ALK: variants seen among roughly 807,000 people sequenced by gnomAD.
ALK encodes the protein ALK receptor tyrosine kinase, also known as ALK tyrosine kinase receptor.
A neutral mutation model predicts 163.1 loss-of-function variants in ALK; 74 were observed. The observed-to-expected ratio is 0.45, with a 90% confidence interval of 0.38 to 0.55. The LOEUF is 0.55. Among genes scored for constraint, ALK ranks in the 20% least tolerant of loss-of-function variants. ALK has a pLI of 0.00. For synonymous variants in ALK, 960 were observed against 843.2 expected (o/e 1.14, Z -2.40); for missense variants, 2,063 against 2,105.3 (o/e 0.98, Z 0.39).
intron 4 of ALK, among the ~76,000 whole-genome samples, chr2:29,503,390 C>T (rs760313667): frequency 4.6e-5 from 7 of 152,162 alleles, no homozygotes; most frequent in Non-Finnish European, 8.8e-5. Flanking sequence ...CTAATATGCT[C>T]CAGGTTCTGT....
intron 4 of ALK, among the ~76,000 whole-genome samples, chr2:29,425,936 A>G (rs1466630133): frequency 6.6e-6 from 1 of 152,224 alleles, no homozygotes. Context: ...TAGATAGCTA[A>G]GAAGAACCTG....
chr2:29,357,431 C>T (rs1668278365), intron 5 of ALK, among the ~76,000 whole-genome samples: 1 of 152,202 alleles, frequency 6.6e-6, no homozygotes, highest in African/African-American at 2.4e-5. Context: ...GAGAAGTGGG[C>T]TCTTTATTCC....
Position 29,380,632 on chromosome 2 carries a change from C to T in ALK, c.1282+3100G>A, listed in dbSNP as rs185297055. Among the ~76,000 whole-genome samples, 27 of 152,208 alleles carry T rather than the reference C, an allele frequency of 1.8e-4. 1 individual carries two copies. The highest frequency in any genetic ancestry group is 5.8e-4 in the African/African-American group (24 of 41,524). On this transcript the variant is annotated intron_variant, in intron 5 of 28. Transcript: ENST00000389048. ...TTTTTTTAGTAGAGACGGGGTTTCT[C>T]CATGTTGGTCAGGCTGGTCTCGAAC... is the stretch of plus-strand genomic sequence containing the variant.
chr2:29,909,480 CAG>C (rs369360033), intron 1 of ALK, among the ~76,000 whole-genome samples: 5,613 of 135,690 alleles, frequency 0.041, 159 homozygotes, highest in East Asian at 0.15. Flanking sequence ...GACAGACAGA[CAG>C]AGAGAGAGAG....
At chr2:29,694,466 T>C (rs572336570) in intron 3 of ALK, among the ~76,000 whole-genome samples, 8 of 152,356 alleles carry the variant, frequency 5.3e-5, no homozygotes, top group Non-Finnish European at 1.0e-4. Context: ...TTCCAACTAT[T>C]GCATGAGACA....
chr2:29,574,607 C>A (rs1220628274), intron 3 of ALK, among the ~76,000 whole-genome samples: 1 of 152,236 alleles, frequency 6.6e-6, no homozygotes, highest in Admixed American at 6.5e-5. Context: ...CTTGGCAGGA[C>A]CTTGTTAATG....
chr2:29,609,802 C>A (rs1258254297), intron 3 of ALK, among the ~76,000 whole-genome samples: 1 of 152,164 alleles, frequency 6.6e-6, no homozygotes, highest in African/African-American at 2.4e-5. Context: ...AGCCACCACA[C>A]TTGGCTAGTT....
chr2:29,334,867 A>C (rs566032687), intron 5 of ALK, among the ~76,000 whole-genome samples: 1 of 152,324 alleles, frequency 6.6e-6, no homozygotes, highest in African/African-American at 2.4e-5. Flanking sequence ...AGGCACAACA[A>C]AAAACAACGC....
At chr2:29,658,311 T>C (rs1047285751) in intron 3 of ALK, among the ~76,000 whole-genome samples, 2 of 152,198 alleles carry the variant, frequency 1.3e-5, no homozygotes, top group Non-Finnish European at 2.9e-5. Context: ...CTTGGAGCTA[T>C]GGTAAGGTGC....
intron 3 of ALK, among the ~76,000 whole-genome samples, chr2:29,549,770 C>T (rs1318226823): frequency 6.6e-6 from 1 of 152,108 alleles, no homozygotes; most frequent in Non-Finnish European, 1.5e-5. Context: ...GTACAGAAGA[C>T]ATACAATGTT....
intron 24 of ALK, among the ~76,000 whole-genome samples, chr2:29,211,738 C>T (rs946409270): frequency 2.6e-5 from 4 of 152,048 alleles, no homozygotes; most frequent in Non-Finnish European, 4.4e-5. Flanking sequence ...ATGTAAAAGA[C>T]GTTTTTTCCA....
chr2:29,326,589 G>A (rs181850132), intron 6 of ALK, among the ~76,000 whole-genome samples: 3 of 152,300 alleles, frequency 2.0e-5, no homozygotes, highest in East Asian at 1.9e-4. Flanking sequence ...AGAACTATAC[G>A]AGAAAGGCCA....
At chr2:29,877,346 G>A (rs1324123118) in intron 1 of ALK, among the ~76,000 whole-genome samples, 1 of 152,000 alleles carries the variant, frequency 6.6e-6, no homozygotes, top group African/African-American at 2.4e-5. Flanking sequence ...TGTCATAGAG[G>A]CCTTCCCTGT....
At chr2:29,668,913 T>C (rs1328941484) in intron 3 of ALK, among the ~76,000 whole-genome samples, 1 of 152,092 alleles carries the variant, frequency 6.6e-6, no homozygotes, top group East Asian at 1.9e-4. Context: ...AACTCCCCTT[T>C]ACGCTATGTA....
chr2:29,600,752 C>A (rs1573490267), intron 3 of ALK, among the ~76,000 whole-genome samples: 1 of 152,130 alleles, frequency 6.6e-6, no homozygotes, highest in Admixed American at 6.5e-5. Context: ...AAAGGACAGT[C>A]TGGGGACACG....
intron 11 of ALK, among the ~76,000 whole-genome samples, chr2:29,252,555 A>G (rs1313224060): frequency 1.3e-5 from 2 of 152,224 alleles, no homozygotes; most frequent in Non-Finnish European, 2.9e-5. Context: ...AGGGTTGCTA[A>G]TCTGAAAACT....
intron 1 of ALK, among the ~76,000 whole-genome samples, chr2:29,763,560 C>T (rs1397632515): frequency 6.6e-6 from 1 of 151,986 alleles, no homozygotes; most frequent in Non-Finnish European, 1.5e-5. Flanking sequence ...AAACCAGGCT[C>T]AGCCCCCACA....
chr2:29,726,868 A>G (rs1356420696), intron 1 of ALK, among the ~76,000 whole-genome samples: 2 of 152,332 alleles, frequency 1.3e-5, no homozygotes, highest in Non-Finnish European at 2.9e-5. Flanking sequence ...ACAAATGCCC[A>G]AGGTCACATT....
In ALK at chr2:29,318,352, T is replaced by C. The variant is rs1334495224; in HGVS notation, c.1599A>G (p.Thr533=). 4 of 1,614,118 alleles carry C rather than the reference T, an allele frequency of 2.5e-6. No individual in the cohort carries two copies. In the Admixed American group the frequency reaches 6.7e-5, roughly 27 times the overall value. Residue 533 remains threonine (T), a synonymous_variant, in exon 8 of 29, where the codon ACA becomes ACG. Coordinates refer to ENST00000389048, the MANE Select transcript of ALK (RefSeq NM_004304.5). ...TTDVPASESA[T]VTSATFPAPI... ...GTGCAGGAAACGTAGCACTGGTCAC[T>C]GTAGCACTTTCAGAAGCGGGGACAT...
Sources: gnomAD v4.1 joint callset for allele counts (sites outside exome capture counted in the v4.1 genomes callset) on GRCh38, gnomAD v4.1.1 for gene constraint, MANE v1.5 for transcripts, NCBI Gene and HGNC (gene_info 2026-07-23, HGNC 2026-07-21) for gene names.